Variants in C8orf34 observed in about 807,000 individuals in gnomAD.
C8orf34 encodes the protein chromosome 8 open reading frame 34, also known as uncharacterized protein C8orf34.
A neutral mutation model predicts 68.3 loss-of-function variants in C8orf34; 65 were observed. The ratio of observed to expected loss-of-function variants is 0.95; its 90% confidence interval spans 0.78 to 1.17. The LOEUF is 1.17. Among genes scored for constraint, C8orf34 ranks in the 50% most tolerant of loss-of-function variants. C8orf34 has a pLI of 0.00. For synonymous variants in C8orf34, 244 were observed against 241.2 expected, an observed-to-expected ratio of 1.01 and a Z score of -0.11; for missense variants, 664 against 655.4, an observed-to-expected ratio of 1.01 and a Z score of -0.14.
chr8:68,480,204 A>G (rs1812800322), intron 4 of C8orf34, among the ~76,000 whole-genome samples: 1 of 152,144 alleles, frequency 6.6e-6, no homozygotes, highest in Admixed American at 6.5e-5. Flanking sequence ...TGCTATTCTC[A>G]TGCTAGTGAA....
At chr8:68,650,555 C>T (rs1047249142) in intron 8 of C8orf34, among the ~76,000 whole-genome samples, 3 of 148,784 alleles carry the variant, frequency 2.0e-5, no homozygotes, top group Non-Finnish European at 3.0e-5. Flanking sequence ...TCTCGGCTCA[C>T]TGCAAGCTCC....
At chr8:68,402,665 C>T (rs1809010076) in intron 1 of C8orf34, among the ~76,000 whole-genome samples, 1 of 152,092 alleles carries the variant, frequency 6.6e-6, no homozygotes, top group Non-Finnish European at 1.5e-5. Context: ...GAAGATTATT[C>T]AGGAGCATGT....
intron 5 of C8orf34, among the ~76,000 whole-genome samples, chr8:68,493,308 T>C (rs1360225462): frequency 1.3e-5 from 2 of 151,988 alleles, no homozygotes; most frequent in African/African-American, 2.4e-5. Flanking sequence ...CAATTAAAAA[T>C]GGGCAAAGGA....
intron 5 of C8orf34, among the ~76,000 whole-genome samples, chr8:68,521,128 A>T (rs1380897886): frequency 1.3e-5 from 2 of 152,206 alleles, no homozygotes; most frequent in Non-Finnish European, 2.9e-5. Flanking sequence ...TTTTAAACAA[A>T]ATCTAGATTA....
chr8:68,590,407 A>G (rs1427588350), intron 7 of C8orf34, among the ~76,000 whole-genome samples: 1 of 152,126 alleles, frequency 6.6e-6, no homozygotes, highest in Non-Finnish European at 1.5e-5. Context: ...CCTTTGAAGC[A>G]GGTCATAGGG....
chr8:68,345,832 C>A (rs1472206609), intron 1 of C8orf34, among the ~76,000 whole-genome samples: 1 of 151,690 alleles, frequency 6.6e-6, no homozygotes, highest in Non-Finnish European at 1.5e-5. Context: ...TAAATTTATA[C>A]ATTTAAAAAA....
intron 7 of C8orf34, among the ~76,000 whole-genome samples, chr8:68,598,585 T>C (rs1817613068): frequency 6.6e-6 from 1 of 152,146 alleles, no homozygotes; most frequent in Non-Finnish European, 1.5e-5. Context: ...TAGATTTCTC[T>C]ATTATGACTA....
chr8:68,387,946 G>A (rs899990253), intron 1 of C8orf34, among the ~76,000 whole-genome samples: 29 of 152,112 alleles, frequency 1.9e-4, no homozygotes, highest in African/African-American at 6.0e-4. Flanking sequence ...GTCTTCTCTT[G>A]TTGCAGGACT....
intron 4 of C8orf34, among the ~76,000 whole-genome samples, chr8:68,481,164 A>G (rs1812842128): frequency 6.6e-6 from 1 of 152,148 alleles, no homozygotes; most frequent in African/African-American, 2.4e-5. Flanking sequence ...GGGCCAATGT[A>G]CAATGTGGGC....
At chr8:68,818,050 A>C (rs958173673) in intron 13 of C8orf34, among the ~76,000 whole-genome samples, 189 bp from the exon 14 acceptor site, 2 of 152,178 alleles carry the variant, frequency 1.3e-5, no homozygotes, top group Non-Finnish European at 2.9e-5. Flanking sequence ...TTAGAATTTT[A>C]CACAGATATC....
chr8:68,353,360 T>C (rs1431562513), intron 1 of C8orf34, among the ~76,000 whole-genome samples: 1 of 152,040 alleles, frequency 6.6e-6, no homozygotes, highest in African/African-American at 2.4e-5. Context: ...GATAATGTTT[T>C]GGAGGGATGG....
intron 5 of C8orf34, among the ~76,000 whole-genome samples, chr8:68,511,669 G>A (rs1814282740): frequency 6.6e-6 from 1 of 152,194 alleles, no homozygotes; most frequent in South Asian, 2.1e-4. Flanking sequence ...CTGACATGCT[G>A]ATTCTTTGAA....
At chr8:68,777,311 G>T (rs958340565) in intron 11 of C8orf34, among the ~76,000 whole-genome samples, 7 of 152,200 alleles carry the variant, frequency 4.6e-5, no homozygotes, top group African/African-American at 1.4e-4. Flanking sequence ...GGAGAGAACT[G>T]AGGTGCTGGG....
intron 6 of C8orf34, among the ~76,000 whole-genome samples, chr8:68,531,853 A>C (rs1343298867): frequency 6.6e-6 from 1 of 152,128 alleles, no homozygotes; most frequent in Non-Finnish European, 1.5e-5. Flanking sequence ...ACAGCTTAGC[A>C]GCAGGGCTCC....
chr8:68,757,276 G>T lies in C8orf34; in HGVS notation c.1405-19123G>T, dbSNP rs1290043180. Among the ~76,000 whole-genome samples the T allele has an allele frequency of 3.9e-5, 6 of 152,258 alleles. No homozygotes were observed. In the South Asian group the frequency reaches 6.2e-4, roughly 16 times the overall value. ...CCAGATTATCTAATGGAGGACTCTG[G>T]AGGCAGTGGGTCAGTGACGGATGTT... On this transcript the variant is annotated intron_variant, in intron 10 of 13. Coordinates refer to ENST00000518698, the MANE Select transcript of C8orf34 (RefSeq NM_052958.4).
chr8:68,445,439 G>GA (rs1013030632), intron 2 of C8orf34, among the ~76,000 whole-genome samples: 2 of 152,144 alleles, frequency 1.3e-5, no homozygotes, highest in African/African-American at 4.8e-5. Context: ...TGGGGATGAG[G>GA]AAAAAGATTG....
At position 68,597,740 on chromosome 8, in the gene C8orf34, C is replaced by T. The variant is rs75975358; in HGVS notation, c.1106-42636C>T. Reference sequence around the variant, plus strand: ...TCATGTTTCAGATAATACTTTTAAACCCAGGTTAAGCCTTAAAGTAATATA... The same window carrying T: ...TCATGTTTCAGATAATACTTTTAAATCCAGGTTAAGCCTTAAAGTAATATA... On this transcript the variant is annotated intron_variant, in intron 7 of 13. Transcript: ENST00000518698. Among the ~76,000 whole-genome samples, 553 of 152,124 alleles carry T rather than the reference C, an allele frequency of 3.6e-3. 7 individuals are homozygous for T. Among genetic ancestry groups the T allele is most frequent in the African/African-American group, 0.013 (530 of 41,522 alleles).
rs370122163 is a variant in C8orf34 at position 68,818,188 on chromosome 8, T to C, written c.1610-51T>C. The C allele has an allele frequency of 5.0e-6, 8 of 1,596,678 alleles. No homozygotes were observed. In the African/African-American group the frequency reaches 9.4e-5, roughly 19 times the overall value. On this transcript the variant is annotated intron_variant, in intron 13 of 13. Transcript: ENST00000518698. Reference sequence around the variant, plus strand: ...AATTTTTCTTTTTAATATGCTATAATGTAAACATGTTATTAAGCACATTTT... The same window carrying C: ...AATTTTTCTTTTTAATATGCTATAACGTAAACATGTTATTAAGCACATTTT...
intron 10 of C8orf34, among the ~76,000 whole-genome samples, chr8:68,747,228 C>T (rs554507379): frequency 2.8e-4 from 43 of 151,692 alleles, no homozygotes; most frequent in Non-Finnish European, 3.1e-4. Context: ...ATTGATGGGA[C>T]GTATTTCAAA....
Sources: allele counts gnomAD v4.1 joint callset (sites outside exome capture counted in the v4.1 genomes callset), GRCh38; gene constraint gnomAD v4.1.1; transcripts MANE v1.5; gene names NCBI Gene and HGNC (gene_info 2026-07-23, HGNC 2026-07-21).